The following GABRB2 variants were observed in gnomAD, a reference collection of about 807,000 sequenced individuals.
GABRB2 encodes gamma-aminobutyric acid receptor subunit beta-2.
Under a neutral mutation model 54.7 loss-of-function variants are expected in GABRB2, and 16 were observed. The observed-to-expected ratio is 0.29, with a 90% CI of 0.20 to 0.44. The LOEUF (loss-of-function observed/expected upper bound fraction) is 0.44. GABRB2 is among the 20% of genes least tolerant of loss of function. The probability of loss-of-function intolerance (pLI) is 1.00; values close to 1 mark genes in which losing one functional copy is unlikely to be tolerated. For missense variants in GABRB2, 355 were observed against 644.0 expected (o/e 0.55, Z 4.86); for synonymous variants, 244 against 233.8 (o/e 1.04, Z -0.40).
At chr5:161,507,610 AC>A (rs558251899) in intron 3 of GABRB2, among the ~76,000 whole-genome samples, 62 of 152,186 alleles carry the variant, frequency 4.1e-4, no homozygotes, top group African/African-American at 1.4e-3. Flanking sequence ...ATGTCTTGTA[AC>A]AGACTATACC....
chr5:161,361,737 A>G (rs1754815740), intron 5 of GABRB2, among the ~76,000 whole-genome samples: 1 of 152,120 alleles, frequency 6.6e-6, no homozygotes, highest in Non-Finnish European at 1.5e-5. Context: ...AGCATATCAA[A>G]CATCAGATTT....
At chr5:161,511,749 T>C (rs1392847410) in intron 3 of GABRB2, among the ~76,000 whole-genome samples, 1 of 151,980 alleles carries the variant, frequency 6.6e-6, no homozygotes, top group Admixed American at 6.6e-5. Context: ...CCTAGGCTCA[T>C]GGATGATCAT....
At chr5:161,455,769 GCAATCTGCCCACCTCAGCCTC>G (rs1197641970) in intron 4 of GABRB2, among the ~76,000 whole-genome samples, 1 of 152,010 alleles carries the variant, frequency 6.6e-6, no homozygotes, top group Non-Finnish European at 1.5e-5. Context: ...CTGAGGTCAA[GCAATCTGCCCACCTCAGCCTC>G]CCAAAGTGCT....
chr5:161,474,023 G>C (rs752192542), intron 3 of GABRB2, among the ~76,000 whole-genome samples: 2 of 151,934 alleles, frequency 1.3e-5, no homozygotes, highest in Non-Finnish European at 2.9e-5. Context: ...TGAGTAGAGA[G>C]GTGAATGTGT....
At chr5:161,498,031 G>C (rs1043491798) in intron 3 of GABRB2, among the ~76,000 whole-genome samples, 1 of 152,120 alleles carries the variant, frequency 6.6e-6, no homozygotes, top group African/African-American at 2.4e-5. Context: ...TTAAGAAATA[G>C]AGTAAACATA....
intron 5 of GABRB2, among the ~76,000 whole-genome samples, chr5:161,377,564 A>G (rs1755344387): frequency 6.6e-6 from 1 of 152,178 alleles, no homozygotes; most frequent in African/African-American, 2.4e-5. Flanking sequence ...AAAAGAAAAC[A>G]AAACAAAGTT....
chr5:161,427,413 G>A (rs946997595), intron 4 of GABRB2, among the ~76,000 whole-genome samples: 2 of 152,138 alleles, frequency 1.3e-5, no homozygotes, highest in African/African-American at 2.4e-5. Context: ...TGAGTAGATG[G>A]TAGATTTTCC....
At chr5:161,327,081 A>T in intron 8 of GABRB2, 1 of 439,676 alleles carries the variant, frequency 2.3e-6, no homozygotes, top group Non-Finnish European at 3.0e-6. Flanking sequence ...CACACAAACT[A>T]GAAGAATGCA....
intron 4 of GABRB2, among the ~76,000 whole-genome samples, chr5:161,425,126 C>A (rs1756961828): frequency 1.3e-5 from 2 of 151,976 alleles, no homozygotes; most frequent in Non-Finnish European, 2.9e-5. Flanking sequence ...TGAGATAAAA[C>A]CTATTCCAGG....
intron 3 of GABRB2, among the ~76,000 whole-genome samples, chr5:161,462,359 T>C (rs540007092): frequency 3.3e-5 from 5 of 152,312 alleles, no homozygotes; most frequent in African/African-American, 1.2e-4. Context: ...GGATCAGATA[T>C]ATATTTTTGT....
intron 9 of GABRB2, among the ~76,000 whole-genome samples, chr5:161,294,685 G>A (rs1757332798): frequency 6.6e-6 from 1 of 152,118 alleles, no homozygotes; most frequent in East Asian, 1.9e-4. Flanking sequence ...ATAGACTGTT[G>A]CTAGTATCAT....
At position 161,459,679 on chromosome 5, in the gene GABRB2, C is replaced by T; in HGVS notation, c.403G>A (p.Val135Ile). 1 of 1,614,182 alleles carries T rather than the reference C, an allele frequency of 6.2e-7. No individual in the cohort carries two copies. The highest frequency in any genetic ancestry group is 8.5e-7 in the Non-Finnish European group (1 of 1,180,016). Residue 135 changes from valine (V) to isoleucine (I), a missense_variant, in exon 4 of 10, where the codon GTT becomes ATT. Coordinates refer to ENST00000393959, the MANE Select transcript of GABRB2 (RefSeq NM_001371727.1). The part of the protein sequence containing the change: ...DKKSFVHGVT[V>I]KNRMIRLHPD... ...TGCAGGCGAATCATGCGGTTCTTAA[C>T]AGTCACTCCGTGCACAAATGACTTC... is the stretch of plus-strand genomic sequence containing the variant.
chr5:161,325,789 T>A (rs1449919998), intron 9 of GABRB2, among the ~76,000 whole-genome samples: 2 of 152,142 alleles, frequency 1.3e-5, no homozygotes. Flanking sequence ...TTAGAGTTCA[T>A]TTAAGTCAAG....
chr5:161,437,579 G>A (rs1456482714), intron 4 of GABRB2, among the ~76,000 whole-genome samples: 1 of 151,750 alleles, frequency 6.6e-6, no homozygotes, highest in Non-Finnish European at 1.5e-5. Flanking sequence ...GGAGAGCAGA[G>A]CACCAAGTGG....
chr5:161,539,666 T>C (rs1241303411), intron 3 of GABRB2, among the ~76,000 whole-genome samples: 1 of 152,134 alleles, frequency 6.6e-6, no homozygotes, highest in Non-Finnish European at 1.5e-5. Context: ...TCTTGAGTTG[T>C]CTTCATTAAG....
intron 5 of GABRB2, among the ~76,000 whole-genome samples, chr5:161,368,397 A>T (rs1487177495): frequency 6.6e-6 from 1 of 152,290 alleles, no homozygotes; most frequent in Middle Eastern, 3.4e-3. Context: ...GGAATAACAC[A>T]TTCAGCAAGG....
intron 9 of GABRB2, among the ~76,000 whole-genome samples, chr5:161,297,960 T>G (rs1757430624): frequency 6.6e-6 from 1 of 152,204 alleles, no homozygotes; most frequent in African/African-American, 2.4e-5. Flanking sequence ...TCCTGACTTT[T>G]TAATGATTGC....
At chr5:161,530,933 G>C (rs999254014) in intron 3 of GABRB2, among the ~76,000 whole-genome samples, 25 of 152,096 alleles carry the variant, frequency 1.6e-4, no homozygotes, top group Admixed American at 1.5e-3. Flanking sequence ...AACGGTGCTT[G>C]AAAGAGGAAT....
intron 3 of GABRB2, among the ~76,000 whole-genome samples, chr5:161,536,226 T>C (rs564706564): frequency 6.6e-6 from 1 of 152,208 alleles, no homozygotes; most frequent in South Asian, 2.1e-4. Flanking sequence ...TGGTGGAGAA[T>C]GTTGAGCGCT....
Sources: allele counts gnomAD v4.1 joint callset (sites outside exome capture counted in the v4.1 genomes callset), GRCh38; gene constraint gnomAD v4.1.1; transcripts MANE v1.5; gene names NCBI Gene and HGNC (gene_info 2026-07-23, HGNC 2026-07-21).